Variants in ITGA1 observed in about 807,000 individuals in gnomAD.
The protein encoded by ITGA1 is integrin alpha-1.
In ITGA1, 85 loss-of-function variants were observed where a neutral mutation model predicts 145.9. The observed-to-expected ratio is 0.58, with a 90% CI of 0.49 to 0.70. The LOEUF (loss-of-function observed/expected upper bound fraction) is 0.70, where lower values mean the gene tolerates loss of function less well. Ranked by LOEUF, ITGA1 falls within the 30% of genes least tolerant of loss-of-function variation. ITGA1 has a pLI of 0.00. For missense variants in ITGA1, 1,351 were observed against 1,418.7 expected (o/e 0.95, Z 0.77); for synonymous variants, 520 against 495.3 (o/e 1.05, Z -0.66).
chr5:52,800,229 C>T (rs780154056), intron 1 of ITGA1: 4 of 657,108 alleles, frequency 6.1e-6, no homozygotes, highest in African/African-American at 1.8e-5. Flanking sequence ...AAGTGCTGCC[C>T]TAGGCTGCAT....
intron 23 of ITGA1, among the ~76,000 whole-genome samples, chr5:52,934,746 T>C (rs1473224734): frequency 6.6e-6 from 1 of 151,860 alleles, no homozygotes; most frequent in Non-Finnish European, 1.5e-5. Context: ...TATGAGATAA[T>C]GCAACAAAAT....
At chr5:52,906,980 G>A (rs962777193) in intron 12 of ITGA1, among the ~76,000 whole-genome samples, 4 of 152,202 alleles carry the variant, frequency 2.6e-5, no homozygotes, top group Non-Finnish European at 5.9e-5. Flanking sequence ...GGGCAGGCCG[G>A]CTACAAGAGT....
At chr5:52,940,453 G>A (rs1235882850) in intron 26 of ITGA1, among the ~76,000 whole-genome samples, 2 of 148,930 alleles carry the variant, frequency 1.3e-5, no homozygotes, top group East Asian at 2.0e-4. Flanking sequence ...CTGTCGCCCA[G>A]GCTGGAGTGC....
intron 1 of ITGA1, among the ~76,000 whole-genome samples, chr5:52,808,676 CTTTTT>C (rs60113844): frequency 1.7e-4 from 12 of 69,328 alleles, no homozygotes; most frequent in East Asian, 4.3e-4. Flanking sequence ...TTCTTTCTTT[CTTTTT>C]TTTTTTTTTT....
In ITGA1 at chr5:52,788,895, C is replaced by T. The variant is rs112931725; in HGVS notation, c.61+481C>T. On this transcript the variant is annotated intron_variant, in intron 1 of 28. Transcript: ENST00000282588. The stretch of plus-strand genomic sequence containing the variant: ...ATTTAGGCTTTTTTCCCATGCAGAA[C>T]AAGAAAAGGCAGGGATGCAAGACGA... 2.5e-3 allele frequency among the ~76,000 whole-genome samples: 377 copies of T among 152,012 alleles called. 5 individuals carry two copies. The highest frequency in any genetic ancestry group is 8.8e-3 in the African/African-American group (364 of 41,432).
At chr5:52,910,471 T>A in intron 14 of ITGA1, 52 bp downstream of exon 14, 1 of 1,567,160 alleles carries the variant, frequency 6.4e-7, no homozygotes, top group Non-Finnish European at 8.7e-7. Context: ...GTCGGTTCAA[T>A]GCCAGGCATT....
intron 20 of ITGA1, among the ~76,000 whole-genome samples, chr5:52,927,949 C>T (rs10038838): frequency 0.032 from 4,812 of 152,096 alleles, 296 homozygotes; most frequent in African/African-American, 0.11. Flanking sequence ...TGTCCTCATA[C>T]GAGAGGCTTG....
At chr5:52,848,299 C>G (rs1038197417) in intron 1 of ITGA1, among the ~76,000 whole-genome samples, 1 of 152,152 alleles carries the variant, frequency 6.6e-6, no homozygotes, top group South Asian at 2.1e-4. Flanking sequence ...TTTTATAAAG[C>G]TTTACATGGT....
chr5:52,806,332 A>C (rs1033830242), intron 1 of ITGA1, among the ~76,000 whole-genome samples: 2 of 151,974 alleles, frequency 1.3e-5, no homozygotes, highest in East Asian at 1.9e-4. Context: ...AAATGCAGCT[A>C]ATGAAGCTGT....
At chr5:52,891,256 T>C (rs1027284836) in intron 8 of ITGA1, among the ~76,000 whole-genome samples, 2 of 116,518 alleles carry the variant, frequency 1.7e-5, no homozygotes, top group African/African-American at 5.8e-5. Flanking sequence ...GCAATGTTTT[T>C]TTTTTCTTTT....
At chr5:52,912,311 A>G (rs62651801) in intron 14 of ITGA1, among the ~76,000 whole-genome samples, 111,002 of 143,412 alleles carry the variant, frequency 0.77, 43,208 homozygotes, top group South Asian at 0.81. Flanking sequence ...TATATCTACT[A>G]TATACTATAT....
chr5:52,924,021 T>C (rs528715782), intron 18 of ITGA1, among the ~76,000 whole-genome samples: 2 of 152,200 alleles, frequency 1.3e-5, no homozygotes, highest in African/African-American at 4.8e-5. Flanking sequence ...TTCCCAAAGT[T>C]AGAGTCCATG....
intron 6 of ITGA1, among the ~76,000 whole-genome samples, chr5:52,875,817 C>A (rs1385627369): frequency 4.6e-5 from 7 of 152,212 alleles, no homozygotes; most frequent in Non-Finnish European, 1.0e-4. Flanking sequence ...CTCTATCCAA[C>A]TTCCACCATC....
chr5:52,893,925 T>G, intron 9 of ITGA1, 85 bp downstream of exon 9: 1 of 990,180 alleles, frequency 1.0e-6, no homozygotes, highest in Non-Finnish European at 1.5e-6. Flanking sequence ...TCCTAATACA[T>G]CAGTAATACT....
intron 19 of ITGA1, among the ~76,000 whole-genome samples, 192 bp from the exon 20 acceptor site, chr5:52,927,392 C>T (rs1041864267): frequency 1.6e-4 from 25 of 152,132 alleles, no homozygotes; most frequent in Admixed American, 1.2e-3. Flanking sequence ...TTTCAGGCAC[C>T]CACAAGTGAT....
At chr5:52,858,561 T>G (rs1749552047) in intron 2 of ITGA1, among the ~76,000 whole-genome samples, 1 of 152,244 alleles carries the variant, frequency 6.6e-6, no homozygotes, top group Non-Finnish European at 1.5e-5. Flanking sequence ...TTAATAAACA[T>G]TAATTACTCC....
intron 1 of ITGA1, among the ~76,000 whole-genome samples, chr5:52,810,497 C>A (rs1330457972): frequency 6.6e-6 from 1 of 152,132 alleles, no homozygotes. Flanking sequence ...ACATTTTCTG[C>A]AGAAGGGAGA....
rs983744897 is a variant in ITGA1, at chr5:52,788,252, C to T, written c.-102C>T. Reference sequence around the variant, plus strand: ...TGCCACTGGGGCAGAGGACTGGGAACCGCGGCAGCGGGATAAGTGGCCCAG... The same window carrying T: ...TGCCACTGGGGCAGAGGACTGGGAATCGCGGCAGCGGGATAAGTGGCCCAG... On this transcript the variant is annotated 5_prime_UTR_variant, in exon 1 of 29. Coordinates refer to ENST00000282588, the MANE Select transcript of ITGA1 (RefSeq NM_181501.2). 3.3e-6 allele frequency: 3 copies of T among 911,812 alleles called. No homozygotes were observed. The highest frequency in any genetic ancestry group is 4.6e-6 in the Non-Finnish European group (3 of 651,892). 56.5% of individuals were successfully genotyped at this position (911,812 alleles called of 1,614,324 possible). A position where few individuals can be genotyped will look rare whatever the true frequency, so the allele number is the denominator to read the frequency against.
intron 6 of ITGA1, among the ~76,000 whole-genome samples, chr5:52,881,199 C>T (rs2111803563): frequency 6.6e-6 from 1 of 152,338 alleles, no homozygotes; most frequent in South Asian, 2.1e-4. Flanking sequence ...GTGTGTAACC[C>T]TGCAGGCTAC....
Sources: gnomAD v4.1 joint callset for allele counts (sites outside exome capture counted in the v4.1 genomes callset) on GRCh38, gnomAD v4.1.1 for gene constraint, MANE v1.5 for transcripts, NCBI Gene and HGNC (gene_info 2026-07-23, HGNC 2026-07-21) for gene names.